The following HSD17B3 variants were observed in gnomAD, a reference collection of about 807,000 sequenced individuals.
HSD17B3 encodes hydroxysteroid 17-beta dehydrogenase 3.
A neutral mutation model predicts 41.1 loss-of-function variants in HSD17B3; 29 were observed. That is an observed-to-expected ratio of 0.71 (90% CI 0.53 to 0.96). The LOEUF (loss-of-function observed/expected upper bound fraction) is 0.96, where lower values mean the gene tolerates loss of function less well. Ranked by LOEUF, HSD17B3 falls within the 40% of genes least tolerant of loss-of-function variation. HSD17B3 has a pLI of 0.00. For synonymous variants in HSD17B3, 126 were observed against 145.6 expected (o/e 0.87, Z 0.97); for missense variants, 323 against 374.6 (o/e 0.86, Z 1.14).
intron 2 of HSD17B3, among the ~76,000 whole-genome samples, chr9:96,271,093 A>C (rs1826230013): frequency 6.6e-6 from 1 of 152,134 alleles, no homozygotes; most frequent in Admixed American, 6.5e-5. Flanking sequence ...ATGTATGCTC[A>C]AAGAGGCAAC....
At chr9:96,260,413 C>G (rs1825815845) in intron 2 of HSD17B3, among the ~76,000 whole-genome samples, 1 of 152,128 alleles carries the variant, frequency 6.6e-6, no homozygotes, top group Non-Finnish European at 1.5e-5. Context: ...CTGATCTAAC[C>G]AGCCCCTTGT....
chr9:96,263,855 G>A (rs1355327788), intron 2 of HSD17B3, among the ~76,000 whole-genome samples: 2 of 152,094 alleles, frequency 1.3e-5, no homozygotes, highest in African/African-American at 2.4e-5. Flanking sequence ...ATCCTTTGAT[G>A]GAAAGTAAGA....
At chr9:96,290,123 G>A (rs1827090749) in intron 2 of HSD17B3, among the ~76,000 whole-genome samples, 1 of 152,068 alleles carries the variant, frequency 6.6e-6, no homozygotes, top group African/African-American at 2.4e-5. Context: ...TCAGAGGTAT[G>A]GAAGAGTGGG....
intron 6 of HSD17B3, among the ~76,000 whole-genome samples, chr9:96,248,643 G>C (rs925682112): frequency 2.0e-5 from 3 of 152,192 alleles, no homozygotes; most frequent in African/African-American, 7.2e-5. Context: ...GGGAAGCTCA[G>C]AGCTCACTCA....
Position 96,254,871 on chromosome 9 carries a change from T to A in HSD17B3, c.274A>T (p.Ile92Phe). The A allele has an allele frequency of 6.2e-7, 1 of 1,613,844 alleles. No homozygotes were observed. The highest frequency in any genetic ancestry group is 8.5e-7 in the Non-Finnish European group (1 of 1,179,760). Residue 92 changes from isoleucine to phenylalanine, a missense_variant, in exon 3 of 11, where the codon ATC becomes TTC. Physicochemically the swap from Ile to Phe is conservative, Grantham distance 21. Transcript: ENST00000375263. ...LEKLEAIATEIERTTGRSVKI... is the reference protein window; with the variant it reads ...LEKLEAIATEFERTTGRSVKI... ...CCTTATTTGGGGGGTCACTCACCGA[T>A]CTCTGTGGCAATGGCCTCTAGTTTT... is the stretch of plus-strand genomic sequence containing the variant.
At chr9:96,298,985 G>A (rs983563071) in intron 1 of HSD17B3, among the ~76,000 whole-genome samples, 12 of 151,986 alleles carry the variant, frequency 7.9e-5, no homozygotes, top group African/African-American at 2.7e-4. Flanking sequence ...TTAGCAAAGA[G>A]GAAAATACCA....
In HSD17B3 at chr9:96,250,071, G is replaced by A. The variant is rs539180201; in HGVS notation, c.454-285C>T. On this transcript the variant is annotated intron_variant, in intron 5 of 10. Coordinates refer to ENST00000375263, the MANE Select transcript of HSD17B3 (RefSeq NM_000197.2). ...TATATTCCTGGAGGAATATAAATACGGTTTTTCAAAGGGAGCTACTCCATT... is the reference window on the plus strand; with the variant it reads ...TATATTCCTGGAGGAATATAAATACAGTTTTTCAAAGGGAGCTACTCCATT... 1.2e-5 allele frequency: 17 copies of A among 1,382,232 alleles called. No homozygotes were observed. The Admixed American group carries it at 2.4e-4, about 19-fold the overall frequency. The allele number at this position is 1,382,232 out of a possible 1,614,324, so 85.6% of individuals were successfully genotyped here. A position where few individuals can be genotyped will look rare whatever the true frequency, so the allele number is the denominator to read the frequency against.
At chr9:96,268,998 G>A (rs183903759) in intron 2 of HSD17B3, among the ~76,000 whole-genome samples, 11 of 152,190 alleles carry the variant, frequency 7.2e-5, no homozygotes, top group African/African-American at 2.6e-4. Context: ...CATTACATAT[G>A]TCACTTAACA....
intron 1 of HSD17B3, 142 bp from the exon 2 acceptor site, chr9:96,298,604 T>C (rs1827453300): frequency 2.7e-6 from 2 of 752,282 alleles, no homozygotes; most frequent in Admixed American, 1.8e-5. Context: ...GCCCACGCCC[T>C]TGAAGCCCCT....
intron 2 of HSD17B3, among the ~76,000 whole-genome samples, chr9:96,276,107 TA>T (rs57386167): frequency 5.4e-3 from 223 of 41,134 alleles, no homozygotes; most frequent in Middle Eastern, 0.048. Flanking sequence ...TCCTGTCTCA[TA>T]AAAAAAAAAA....
chr9:96,277,933 A>T (rs1437426778), intron 2 of HSD17B3, among the ~76,000 whole-genome samples: 1 of 152,200 alleles, frequency 6.6e-6, no homozygotes, highest in African/African-American at 2.4e-5. Context: ...CAACATGGAT[A>T]AATGTTGGAC....
chr9:96,266,027 A>G (rs1425671070), intron 2 of HSD17B3, among the ~76,000 whole-genome samples: 1 of 152,232 alleles, frequency 6.6e-6, no homozygotes, highest in East Asian at 1.9e-4. Context: ...AGCAGAATTG[A>G]TCAAGGAAAA....
intron 2 of HSD17B3, among the ~76,000 whole-genome samples, chr9:96,279,933 C>T (rs1190223366): frequency 1.3e-5 from 2 of 152,176 alleles, no homozygotes; most frequent in Admixed American, 1.3e-4. Flanking sequence ...CCACCCCTGG[C>T]TAATTTTTTG....
chr9:96,263,772 CAAG>C (rs1158507759), intron 2 of HSD17B3, among the ~76,000 whole-genome samples: 3 of 151,826 alleles, frequency 2.0e-5, no homozygotes, highest in Non-Finnish European at 4.4e-5. Context: ...GCTACAAGAA[CAAG>C]AATAGTCATT....
intron 10 of HSD17B3, among the ~76,000 whole-genome samples, chr9:96,238,807 G>T (rs1319869467): frequency 1.3e-5 from 2 of 152,218 alleles, no homozygotes; most frequent in Admixed American, 1.3e-4. Flanking sequence ...GGCGCATGAA[G>T]GATGGAGAAG....
At chr9:96,289,809 T>A (rs1467436520) in intron 2 of HSD17B3, among the ~76,000 whole-genome samples, 1 of 152,124 alleles carries the variant, frequency 6.6e-6, no homozygotes, top group Non-Finnish European at 1.5e-5. Flanking sequence ...ACAGGCTCCA[T>A]ACACAGGTTT....
chr9:96,272,445 A>ATC (rs1424961317), intron 2 of HSD17B3, among the ~76,000 whole-genome samples: 2 of 99,230 alleles, frequency 2.0e-5, no homozygotes, highest in Admixed American at 1.2e-4. Context: ...ATATATATAT[A>ATC]TAAAATATAT....
intron 2 of HSD17B3, among the ~76,000 whole-genome samples, chr9:96,261,514 C>T (rs908375442): frequency 2.6e-5 from 4 of 152,186 alleles, no homozygotes; most frequent in African/African-American, 9.7e-5. Flanking sequence ...TATCTCAAAG[C>T]ACAGAGACCT....
chr9:96,269,559 A>G (rs1333951476), intron 2 of HSD17B3, among the ~76,000 whole-genome samples: 1 of 152,208 alleles, frequency 6.6e-6, no homozygotes, highest in African/African-American at 2.4e-5. Flanking sequence ...CATTTCATTC[A>G]TCCATGTCGG....
Sources: gnomAD v4.1 joint callset for allele counts (sites outside exome capture counted in the v4.1 genomes callset) on GRCh38, gnomAD v4.1.1 for gene constraint, MANE v1.5 for transcripts, NCBI Gene and HGNC (gene_info 2026-07-23, HGNC 2026-07-21) for gene names.